Variants in TRIM9 observed in about 807,000 individuals in gnomAD.
The protein encoded by TRIM9 is tripartite motif containing 9.
A neutral mutation model predicts 78.3 loss-of-function variants in TRIM9; 26 were observed. The ratio of observed to expected loss-of-function variants is 0.33; its 90% CI spans 0.24 to 0.46. TRIM9 has a LOEUF of 0.46. TRIM9 is among the 20% of genes least tolerant of loss of function. The pLI, the probability that TRIM9 is intolerant of heterozygous loss-of-function variation, is 1.00. For missense variants in TRIM9, 787 were observed against 1,036.4 expected, an observed-to-expected ratio of 0.76 and a Z score of 3.30; for synonymous variants, 398 against 416.5, an observed-to-expected ratio of 0.96 and a Z score of 0.54.
At chr14:51,065,160 A>G (rs1000961006) in intron 1 of TRIM9, among the ~76,000 whole-genome samples, 2 of 152,238 alleles carry the variant, frequency 1.3e-5, no homozygotes. Context: ...TAGGGATTAC[A>G]TATATGAATC....
At chr14:50,978,842 CTGAA>C in intron 12 of TRIM9, 5 of 932,386 alleles carry the variant, frequency 5.4e-6, no homozygotes, top group Non-Finnish European at 5.1e-6. Flanking sequence ...TAGATATTTG[CTGAA>C]TGAATAAATG....
intron 9 of TRIM9, 74 bp downstream of exon 9, chr14:50,983,303 TGCC>T (rs1353952471): frequency 1.7e-5 from 20 of 1,207,598 alleles, no homozygotes; most frequent in Middle Eastern, 3.9e-4. Context: ...TAAGACAAGT[TGCC>T]GCCATTTATT....
chr14:51,053,378 A>T (rs926063509), intron 1 of TRIM9, among the ~76,000 whole-genome samples: 7 of 151,758 alleles, frequency 4.6e-5, no homozygotes, highest in Non-Finnish European at 8.8e-5. Flanking sequence ...GTGCACACTC[A>T]TGATAGGAGA....
intron 1 of TRIM9, among the ~76,000 whole-genome samples, chr14:51,081,848 C>T (rs947413710): frequency 3.3e-5 from 5 of 152,144 alleles, no homozygotes; most frequent in East Asian, 1.9e-4. Flanking sequence ...GGAAGGGTGG[C>T]GCTTCCACAC....
chr14:51,089,809 T>C (rs1235178248), intron 1 of TRIM9, among the ~76,000 whole-genome samples: 2 of 152,170 alleles, frequency 1.3e-5, no homozygotes, highest in African/African-American at 2.4e-5. Context: ...TCCAGAAAAG[T>C]ACCCCAAGTT....
chr14:51,018,886 C>T (rs1357990232), intron 3 of TRIM9, among the ~76,000 whole-genome samples: 3 of 152,104 alleles, frequency 2.0e-5, no homozygotes, highest in Non-Finnish European at 2.9e-5. Flanking sequence ...AAATACATAT[C>T]GCCTCTTACT....
chr14:51,081,388 C>T (rs979561519), intron 1 of TRIM9, among the ~76,000 whole-genome samples: 1 of 152,188 alleles, frequency 6.6e-6, no homozygotes, highest in Non-Finnish European at 1.5e-5. Context: ...CACTCATACA[C>T]TGCTGGTGGG....
rs186521605 is a variant in TRIM9, at chr14:50,998,250, C to T, written c.1465-62G>A. ...GCCCCCTTCTGAGGGGCGAGGGAGG[C>T]AGTGTCGCTCAGTGGTTAGGAGCAA... On this transcript the variant is annotated intron_variant, in intron 6 of 12. Coordinates refer to ENST00000684578, the MANE Select transcript of TRIM9 (RefSeq NM_001387360.1). 6.5e-5 allele frequency: 98 copies of T among 1,511,328 alleles called. No individual in the cohort carries two copies. The African/African-American group carries it at 1.2e-3, about 19-fold the overall frequency. 93.6% of individuals were successfully genotyped at this position (1,511,328 alleles called of 1,614,324 possible).
At chr14:51,091,375 A>C (rs2064307735) in intron 1 of TRIM9, 1 of 152,200 alleles carries the variant, frequency 6.6e-6, no homozygotes, top group Admixed American at 6.5e-5. Flanking sequence ...GACTAATATG[A>C]TAGAATATGA....
At chr14:50,996,703 G>A (rs766031274) in intron 7 of TRIM9, 2 of 985,278 alleles carry the variant, frequency 2.0e-6, no homozygotes, top group African/African-American at 1.7e-5. Flanking sequence ...GAGAAAAGAG[G>A]CAACTGCTCT....
intron 7 of TRIM9, chr14:50,997,562 AC>A (rs1262985882): frequency 8.0e-6 from 8 of 997,654 alleles, no homozygotes. Context: ...CAGCTCTAGC[AC>A]CCCACCACCC....
chr14:50,983,279 C>A, intron 9 of TRIM9, 101 bp downstream of exon 9: 1 of 999,558 alleles, frequency 1.0e-6, no homozygotes, highest in Non-Finnish European at 1.5e-6. Context: ...GACAATTAGA[C>A]AATTTTATTG....
chr14:51,001,130 C>T (rs74052146), intron 5 of TRIM9, among the ~76,000 whole-genome samples: 2,078 of 152,208 alleles, frequency 0.014, 42 homozygotes, highest in African/African-American at 0.048. Context: ...ACATTGAAGA[C>T]ATTATCCCTA....
At chr14:51,026,951 C>T (rs2058285968) in intron 1 of TRIM9, among the ~76,000 whole-genome samples, 1 of 152,156 alleles carries the variant, frequency 6.6e-6, no homozygotes, top group Non-Finnish European at 1.5e-5. Flanking sequence ...TTCTGAAATG[C>T]TGCCAGTTAC....
intron 1 of TRIM9, among the ~76,000 whole-genome samples, chr14:51,068,173 G>C (rs1193932581): frequency 2.0e-5 from 3 of 152,116 alleles, no homozygotes; most frequent in Non-Finnish European, 1.5e-5. Flanking sequence ...ACCACATCTT[G>C]AGAACCACTG....
intron 1 of TRIM9, among the ~76,000 whole-genome samples, chr14:51,074,258 A>G (rs564895963): frequency 6.6e-6 from 1 of 152,198 alleles, no homozygotes; most frequent in Non-Finnish European, 1.5e-5. Context: ...GTCTCTACAA[A>G]AAAAAAGTAA....
intron 1 of TRIM9, among the ~76,000 whole-genome samples, chr14:51,051,029 T>C (rs1487761475): frequency 1.3e-5 from 2 of 152,156 alleles, no homozygotes; most frequent in Non-Finnish European, 2.9e-5. Context: ...AATGAGTTGT[T>C]TTTAGTTATT....
At chr14:51,041,497 G>A (rs960650568) in intron 1 of TRIM9, among the ~76,000 whole-genome samples, 2 of 152,210 alleles carry the variant, frequency 1.3e-5, no homozygotes, top group Non-Finnish European at 2.9e-5. Flanking sequence ...TCAGGTGTAG[G>A]GAATAGGTTT....
intron 7 of TRIM9, among the ~76,000 whole-genome samples, chr14:50,986,730 G>C (rs1303284425): frequency 6.6e-6 from 1 of 152,190 alleles, no homozygotes; most frequent in Non-Finnish European, 1.5e-5. Context: ...AAGGAAGACA[G>C]GGCTGGACAA....
Sources: allele counts gnomAD v4.1 joint callset (sites outside exome capture counted in the v4.1 genomes callset), GRCh38; gene constraint gnomAD v4.1.1; transcripts MANE v1.5; gene names NCBI Gene and HGNC (gene_info 2026-07-23, HGNC 2026-07-21).